Variants in CDKN2B-AS1 observed in about 807,000 individuals in gnomAD.
The protein encoded by CDKN2B-AS1 is CDKN2B antisense RNA 1 (non-protein coding).
intron 4 of CDKN2B-AS1, among the ~76,000 whole-genome samples, chr9:22,062,778 T>C (rs1044979351): frequency 1.3e-5 from 2 of 151,992 alleles, no homozygotes; most frequent in African/African-American, 4.8e-5. Flanking sequence ...TTTCTCAGCT[T>C]TAGTTTCCTT....
chr9:22,106,389 G>A (rs898202270), intron 4 of CDKN2B-AS1, among the ~76,000 whole-genome samples: 1 of 152,044 alleles, frequency 6.6e-6, no homozygotes, highest in Non-Finnish European at 1.5e-5. Flanking sequence ...CCTAATTTTT[G>A]TATTTTTAGT....
rs1305068988 is a variant in CDKN2B-AS1 at position 22,008,665 on chromosome 9, G to C, written n.29+13504G>C. The C allele has an allele frequency of 2.5e-6, 4 of 1,605,980 alleles. No homozygotes were observed. The East Asian group carries it at 8.9e-5, about 36-fold the overall frequency. On this transcript the variant is annotated intron_variant and non_coding_transcript_variant, in intron 1 of 4. Transcript: ENST00000650946. ...TGGGTAAAAGCCTGTTTTACGCGTG[G>C]AATGCACACCTCCGGCCAACGGAGA...
At chr9:22,037,945 A>G (rs954765542) in intron 1 of CDKN2B-AS1, among the ~76,000 whole-genome samples, 2 of 152,066 alleles carry the variant, frequency 1.3e-5, no homozygotes, top group African/African-American at 2.4e-5. Flanking sequence ...AAAGTTAGGG[A>G]AAATAATGTT....
intron 4 of CDKN2B-AS1, among the ~76,000 whole-genome samples, chr9:22,109,416 TAG>T (rs1825744335): frequency 6.6e-6 from 1 of 152,204 alleles, no homozygotes; most frequent in African/African-American, 2.4e-5. Flanking sequence ...ATAGAGTAAA[TAG>T]AGTTTGTTTA....
At chr9:22,111,080 A>G (rs973507243) in intron 4 of CDKN2B-AS1, among the ~76,000 whole-genome samples, 1 of 152,032 alleles carries the variant, frequency 6.6e-6, no homozygotes, top group African/African-American at 2.4e-5. Flanking sequence ...CCATTGTTGG[A>G]TATTTGAGTT....
chr9:22,050,559 G>C (rs1407667228), intron 3 of CDKN2B-AS1, among the ~76,000 whole-genome samples: 1 of 152,220 alleles, frequency 6.6e-6, no homozygotes, highest in African/African-American at 2.4e-5. Context: ...GTCCTGTCTA[G>C]CCACTTTCAA....
At chr9:22,024,787 A>G (rs906534908) in intron 1 of CDKN2B-AS1, among the ~76,000 whole-genome samples, 2 of 152,120 alleles carry the variant, frequency 1.3e-5, no homozygotes, top group Non-Finnish European at 2.9e-5. Flanking sequence ...AAGTTGCAGT[A>G]TGGGTAGCGA....
intron 1 of CDKN2B-AS1, chr9:22,012,539 G>A (rs1479539471): frequency 1.2e-5 from 7 of 605,232 alleles, no homozygotes; most frequent in East Asian, 7.3e-5. Flanking sequence ...GGTCAAATAA[G>A]GCTCTTCCTT....
intron 4 of CDKN2B-AS1, among the ~76,000 whole-genome samples, chr9:22,061,427 G>T (rs947682237): frequency 6.6e-6 from 1 of 152,076 alleles, no homozygotes; most frequent in African/African-American, 2.4e-5. Flanking sequence ...AGAAAGTGAG[G>T]GTTGAGCATC....
chr9:22,094,538 A>C (rs1296002297), intron 4 of CDKN2B-AS1, among the ~76,000 whole-genome samples: 1 of 142,946 alleles, frequency 7.0e-6, no homozygotes, highest in Non-Finnish European at 1.5e-5. Flanking sequence ...TTTTCCTCTA[A>C]ACTTCTTGCT....
intron 4 of CDKN2B-AS1, among the ~76,000 whole-genome samples, chr9:22,057,532 G>A (rs974588761): frequency 2.6e-5 from 4 of 152,212 alleles, no homozygotes; most frequent in African/African-American, 9.6e-5. Flanking sequence ...GTATTGGCCA[G>A]GTGTGGTGGC....
chr9:22,089,742 GC>G (rs938059748), intron 4 of CDKN2B-AS1, among the ~76,000 whole-genome samples: 51 of 151,964 alleles, frequency 3.4e-4, no homozygotes, highest in Admixed American at 1.8e-3. Context: ...GAGCTACTTT[GC>G]CCCCTAGCAG....
intron 4 of CDKN2B-AS1, among the ~76,000 whole-genome samples, chr9:22,088,476 A>G (rs931029972): frequency 3.3e-5 from 5 of 152,076 alleles, no homozygotes; most frequent in African/African-American, 1.2e-4. Context: ...CAGAATTGCC[A>G]CAGAAGGTCA....
intron 4 of CDKN2B-AS1, among the ~76,000 whole-genome samples, chr9:22,088,285 C>T (rs1824936275): frequency 6.6e-6 from 1 of 152,176 alleles, no homozygotes; most frequent in Non-Finnish European, 1.5e-5. Context: ...TTTTATTATA[C>T]TTGATATTGA....
At chr9:22,126,600 C>T (rs565904777) in intron 4 of CDKN2B-AS1, among the ~76,000 whole-genome samples, 58 of 94,042 alleles carry the variant, frequency 6.2e-4, no homozygotes, top group South Asian at 1.9e-3. Flanking sequence ...TTTTTTGAGA[C>T]GGAGTCTCGC....
At chr9:22,094,700 A>G (rs748874921) in intron 4 of CDKN2B-AS1, among the ~76,000 whole-genome samples, 1 of 143,686 alleles carries the variant, frequency 7.0e-6, no homozygotes, top group Non-Finnish European at 1.5e-5. Context: ...TGGTTATTCT[A>G]GTTAGCCATT....
intron 1 of CDKN2B-AS1, among the ~76,000 whole-genome samples, chr9:22,044,947 C>T (rs1823043653): frequency 6.6e-6 from 1 of 151,756 alleles, no homozygotes; most frequent in South Asian, 2.1e-4. Flanking sequence ...TGATCTATTT[C>T]CACCATGTAT....
chr9:22,125,057 G>A lies in CDKN2B-AS1; in HGVS notation n.439-2046G>A, dbSNP rs73650062. ...CACATGTACGTGCATGCACGCACAC[G>A]TGTGCACACACACATATGCTCACAT... On this transcript the variant is annotated intron_variant and non_coding_transcript_variant, in intron 4 of 4. Coordinates refer to ENST00000650946, the Ensembl canonical transcript of CDKN2B-AS1. 8.3e-3 allele frequency among the ~76,000 whole-genome samples: 1,259 copies of A among 152,310 alleles called. 21 individuals are homozygous for A. The highest frequency in any genetic ancestry group is 0.028 in the African/African-American group (1,176 of 41,570).
intron 1 of CDKN2B-AS1, among the ~76,000 whole-genome samples, chr9:22,036,048 T>C (rs1193363254): frequency 6.6e-6 from 1 of 152,104 alleles, no homozygotes; most frequent in African/African-American, 2.4e-5. Flanking sequence ...TCTATTTTCT[T>C]GAGCCCCGTT....
Sources: allele counts gnomAD v4.1 joint callset (sites outside exome capture counted in the v4.1 genomes callset), GRCh38; gene constraint gnomAD v4.1.1; transcripts MANE v1.5; gene names NCBI Gene and HGNC (gene_info 2026-07-23, HGNC 2026-07-21).